GSG1L: variants seen among roughly 807,000 people sequenced by gnomAD.
GSG1L encodes the protein GSG1 like.
GSG1L carries 24 observed loss-of-function variants against 42.1 expected under a neutral mutation model. The observed-to-expected ratio is 0.57, with a 90% CI of 0.41 to 0.80. The LOEUF is 0.80. Among genes scored for constraint, GSG1L ranks in the 30% least tolerant of loss-of-function variants. GSG1L has a pLI of 0.00. For missense variants in GSG1L, 445 were observed against 472.2 expected (o/e 0.94, Z 0.53); for synonymous variants, 215 against 203.5 (o/e 1.06, Z -0.48).
chr16:27,861,210 A>AAT (rs936504315), intron 3 of GSG1L, among the ~76,000 whole-genome samples: 14 of 151,986 alleles, frequency 9.2e-5, no homozygotes, highest in African/African-American at 2.2e-4. Flanking sequence ...TCTATTAAAA[A>AAT]ATATATATAT....
intron 2 of GSG1L, among the ~76,000 whole-genome samples, chr16:27,916,763 A>G (rs925457842): frequency 7.2e-5 from 11 of 152,210 alleles, no homozygotes; most frequent in Non-Finnish European, 1.5e-4. Flanking sequence ...TGGGGTTGTT[A>G]AAAACTAAAA....
At chr16:27,860,411 C>T (rs2083633332) in intron 3 of GSG1L, among the ~76,000 whole-genome samples, 1 of 152,244 alleles carries the variant, frequency 6.6e-6, no homozygotes. Flanking sequence ...AAGCCCCCAG[C>T]CTTTCCAGCC....
intron 2 of GSG1L, among the ~76,000 whole-genome samples, chr16:27,930,066 C>G (rs1332916376): frequency 6.6e-6 from 1 of 152,010 alleles, no homozygotes; most frequent in Non-Finnish European, 1.5e-5. Flanking sequence ...ACCTTTTGGC[C>G]AGGGCTGGCA....
intron 1 of GSG1L, among the ~76,000 whole-genome samples, chr16:28,061,926 G>A (rs968885217): frequency 4.6e-5 from 7 of 152,256 alleles, no homozygotes; most frequent in South Asian, 2.1e-4. Flanking sequence ...CTTTTCACTG[G>A]GTTCGCTTCA....
chr16:27,857,191 C>T (rs2083589906), intron 3 of GSG1L, among the ~76,000 whole-genome samples: 1 of 152,066 alleles, frequency 6.6e-6, no homozygotes, highest in African/African-American at 2.4e-5. Flanking sequence ...CTTTGGGAAG[C>T]CAAGGTGGGC....
chr16:28,032,481 C>A (rs1198391860), intron 1 of GSG1L, among the ~76,000 whole-genome samples: 2 of 152,242 alleles, frequency 1.3e-5, no homozygotes, highest in African/African-American at 4.8e-5. Flanking sequence ...TCAGCCCATC[C>A]TGGGGCTGGC....
At chr16:27,929,189 C>T (rs2084629820) in intron 2 of GSG1L, among the ~76,000 whole-genome samples, 1 of 152,186 alleles carries the variant, frequency 6.6e-6, no homozygotes, top group South Asian at 2.1e-4. Flanking sequence ...TGGGAAGGGA[C>T]AGACGGTGAC....
At chr16:28,056,584 AT>A (rs2086281933) in intron 1 of GSG1L, among the ~76,000 whole-genome samples, 1 of 151,864 alleles carries the variant, frequency 6.6e-6, no homozygotes, top group Non-Finnish European at 1.5e-5. Context: ...AAACCTGCAC[AT>A]TGTGCACATG....
At chr16:27,795,456 A>T (rs990658935) in intron 6 of GSG1L, among the ~76,000 whole-genome samples, 1 of 151,964 alleles carries the variant, frequency 6.6e-6, no homozygotes, top group Admixed American at 6.6e-5. Flanking sequence ...AAGCAACTTC[A>T]CCTCTCTGAG....
At chr16:28,015,166 C>T (rs1567556382) in intron 1 of GSG1L, among the ~76,000 whole-genome samples, 1 of 151,996 alleles carries the variant, frequency 6.6e-6, no homozygotes, top group African/African-American at 2.4e-5. Context: ...CCTCCTTGGG[C>T]CAAAACATGG....
chr16:27,860,454 C>T (rs2083633985), intron 3 of GSG1L, among the ~76,000 whole-genome samples: 1 of 152,242 alleles, frequency 6.6e-6, no homozygotes, highest in Admixed American at 6.5e-5. Context: ...AACTAGGGGA[C>T]AGCTGCTCCC....
At chr16:27,893,142 G>A (rs2084148479) in intron 2 of GSG1L, among the ~76,000 whole-genome samples, 2 of 152,196 alleles carry the variant, frequency 1.3e-5, no homozygotes, top group Admixed American at 6.5e-5. Context: ...CCTCCAGGGG[G>A]CAGAAGGAAT....
intron 6 of GSG1L, among the ~76,000 whole-genome samples, chr16:27,797,556 C>T (rs1329286100): frequency 1.4e-5 from 2 of 143,774 alleles, no homozygotes; most frequent in African/African-American, 5.2e-5. Context: ...GGCGCGGTGG[C>T]TCACGCCTGT....
intron 6 of GSG1L, among the ~76,000 whole-genome samples, chr16:27,804,037 G>GGATAGATAGATACAGATA (rs1455236652): frequency 0.023 from 3,077 of 132,742 alleles, 44 homozygotes; most frequent in Middle Eastern, 0.026. Context: ...TAGATTAGAT[G>GGATAGATAGATACAGATA]GATAGATAGA....
Position 27,940,033 on chromosome 16 carries a change from A to AGTGG in GSG1L, c.397+23122_397+23123insCCAC, listed in dbSNP as rs1567526942. Reference sequence around the variant, plus strand: ...AAAAAAACAAACAACCCCATCAAAAAGCGGGCAAGGATACGAACAGACACT... The same window carrying AGTGG: ...AAAAAAACAAACAACCCCATCAAAAAGTGGGCGGGCAAGGATACGAACAGACACT... On this transcript the variant is annotated intron_variant, in intron 2 of 6. Coordinates refer to ENST00000447459, the MANE Select transcript of GSG1L (RefSeq NM_001109763.2). Among the ~76,000 whole-genome samples, 38 of 152,312 alleles carry AGTGG rather than the reference A, an allele frequency of 2.5e-4. 2 individuals carry two copies. In the East Asian group the frequency reaches 6.0e-3, roughly 24 times the overall value.
At chr16:27,845,937 C>G (rs79367643) in intron 3 of GSG1L, among the ~76,000 whole-genome samples, 2,348 of 151,626 alleles carry the variant, frequency 0.015, 108 homozygotes, top group South Asian at 0.11. Context: ...GAGTCTCGCT[C>G]TGTCACCCAC....
chr16:27,932,581 T>C (rs2084668837), intron 2 of GSG1L, among the ~76,000 whole-genome samples: 1 of 152,138 alleles, frequency 6.6e-6, no homozygotes, highest in Non-Finnish European at 1.5e-5. Context: ...CAAGTGGGGA[T>C]GGTGTTAAAC....
intron 5 of GSG1L, among the ~76,000 whole-genome samples, chr16:27,810,603 C>A (rs866934555): frequency 1.3e-5 from 2 of 152,142 alleles, no homozygotes; most frequent in South Asian, 4.1e-4. Flanking sequence ...CCTGAGTGGC[C>A]CTAGGCACCA....
intron 2 of GSG1L, among the ~76,000 whole-genome samples, chr16:27,939,893 C>T (rs2084767446): frequency 6.6e-6 from 1 of 152,142 alleles, no homozygotes; most frequent in Admixed American, 6.5e-5. Flanking sequence ...GTTGCCTGGG[C>T]TGGTCTCGAG....
Sources: allele counts gnomAD v4.1 joint callset (sites outside exome capture counted in the v4.1 genomes callset), GRCh38; gene constraint gnomAD v4.1.1; transcripts MANE v1.5; gene names NCBI Gene and HGNC (gene_info 2026-07-23, HGNC 2026-07-21).